The following HOMER1 variants were observed in gnomAD, a reference collection of about 807,000 sequenced individuals.
HOMER1 encodes the protein homer scaffold protein 1.
A neutral mutation model predicts 48.9 loss-of-function variants in HOMER1; 3 were observed. That is an observed-to-expected ratio of 0.06 (90% CI 0.03 to 0.16). The LOEUF is 0.16. HOMER1 is among the 10% of genes least tolerant of loss of function. HOMER1 has a pLI of 1.00. For synonymous variants in HOMER1, 134 were observed against 146.4 expected (o/e 0.92, Z 0.61); for missense variants, 247 against 411.4 (o/e 0.60, Z 3.46).
intron 6 of HOMER1, among the ~76,000 whole-genome samples, chr5:79,401,383 A>C (rs1378919184): frequency 6.6e-6 from 1 of 152,194 alleles, no homozygotes; most frequent in African/African-American, 2.4e-5. Context: ...TGGAAGAAGG[A>C]AATAACTTAT....
intron 1 of HOMER1, among the ~76,000 whole-genome samples, chr5:79,470,471 A>C (rs567260912): frequency 6.6e-6 from 1 of 152,326 alleles, no homozygotes; most frequent in South Asian, 2.1e-4. Context: ...AAATTCTGTG[A>C]AGCAGATACA....
At chr5:79,424,703 C>A (rs967272828) in intron 5 of HOMER1, among the ~76,000 whole-genome samples, 2 of 151,920 alleles carry the variant, frequency 1.3e-5, no homozygotes, top group Non-Finnish European at 2.9e-5. Context: ...AGAAAACTGG[C>A]TATATTTTTA....
chr5:79,408,254 C>T (rs1227178738), intron 5 of HOMER1, among the ~76,000 whole-genome samples: 2 of 152,078 alleles, frequency 1.3e-5, no homozygotes, highest in African/African-American at 4.8e-5. Context: ...AGTGGAGTGA[C>T]AGTGTTGAAA....
At chr5:79,411,978 G>A (rs1749824947) in intron 5 of HOMER1, among the ~76,000 whole-genome samples, 5 of 152,184 alleles carry the variant, frequency 3.3e-5, no homozygotes, top group Admixed American at 3.3e-4. Context: ...AATTAGCCGG[G>A]TGTGGTGGCA....
intron 1 of HOMER1, among the ~76,000 whole-genome samples, chr5:79,468,410 T>A (rs963232780): frequency 6.6e-6 from 1 of 152,206 alleles, no homozygotes; most frequent in African/African-American, 2.4e-5. Flanking sequence ...TAGTATTTTT[T>A]TAAAAAATGT....
chr5:79,451,530 T>C (rs1751026913), intron 2 of HOMER1, among the ~76,000 whole-genome samples: 1 of 144,694 alleles, frequency 6.9e-6, no homozygotes, highest in Non-Finnish European at 1.5e-5. Flanking sequence ...CTTTCAAAAA[T>C]GAAAATATGC....
At chr5:79,404,991 G>A (rs903708359) in intron 5 of HOMER1, among the ~76,000 whole-genome samples, 2 of 152,030 alleles carry the variant, frequency 1.3e-5, no homozygotes, top group African/African-American at 4.8e-5. Context: ...TTACAGGCAT[G>A]AGCCATCGTG....
chr5:79,510,527 C>T lies in HOMER1; in HGVS notation c.5+2243G>A, dbSNP rs1752911772. ...ACCCGAAGCACAAAGATACGAATCT[C>T]TTAAGGGGGTGGACCCCAAGTTCCT... On this transcript the variant is annotated intron_variant, in intron 1 of 8. Coordinates refer to ENST00000334082, the MANE Select transcript of HOMER1 (RefSeq NM_004272.5). The T allele has an allele frequency of 4.1e-6, 3 of 737,328 alleles. No homozygotes were observed. In the East Asian group the frequency reaches 7.7e-5, roughly 19 times the overall value. 45.7% of individuals were successfully genotyped at this position (737,328 alleles called of 1,614,324 possible).
intron 1 of HOMER1, among the ~76,000 whole-genome samples, chr5:79,499,981 T>C (rs910639691): frequency 2.6e-5 from 4 of 152,146 alleles, no homozygotes; most frequent in African/African-American, 9.7e-5. Flanking sequence ...ATGCTGGAAG[T>C]GCTCCCAAGA....
chr5:79,471,608 T>C (rs1265782349), intron 1 of HOMER1, among the ~76,000 whole-genome samples: 2 of 150,798 alleles, frequency 1.3e-5, no homozygotes, highest in Admixed American at 1.3e-4. Flanking sequence ...CTTGTGCCAG[T>C]GTTTCTCAAC....
At chr5:79,469,494 A>G (rs971530782) in intron 1 of HOMER1, among the ~76,000 whole-genome samples, 1 of 152,100 alleles carries the variant, frequency 6.6e-6, no homozygotes, top group Non-Finnish European at 1.5e-5. Flanking sequence ...TCTTTTCTAC[A>G]TGGTCCTCGA....
intron 8 of HOMER1, among the ~76,000 whole-genome samples, chr5:79,376,664 A>T (rs1219039912): frequency 6.6e-6 from 1 of 152,234 alleles, no homozygotes; most frequent in Non-Finnish European, 1.5e-5. Flanking sequence ...GTAACTCTCT[A>T]AAATGTGATT....
chr5:79,503,452 C>A (rs1752660116), intron 1 of HOMER1, among the ~76,000 whole-genome samples: 1 of 149,754 alleles, frequency 6.7e-6, no homozygotes, highest in Admixed American at 6.7e-5. Flanking sequence ...ATCACTTGAA[C>A]CCAGGAGGCG....
At chr5:79,406,594 C>T (rs1488123350) in intron 5 of HOMER1, among the ~76,000 whole-genome samples, 1 of 152,296 alleles carries the variant, frequency 6.6e-6, no homozygotes, top group East Asian at 1.9e-4. Context: ...CAAAGTCTAG[C>T]CAAGACCCTT....
intron 1 of HOMER1, among the ~76,000 whole-genome samples, chr5:79,502,951 C>T (rs1330668458): frequency 2.0e-5 from 3 of 151,298 alleles, no homozygotes; most frequent in Admixed American, 6.6e-5. Context: ...CCACCACGCC[C>T]GGCTAATTTT....
intron 6 of HOMER1, among the ~76,000 whole-genome samples, chr5:79,398,968 T>G (rs1490605640): frequency 6.6e-6 from 1 of 152,206 alleles, no homozygotes; most frequent in Non-Finnish European, 1.5e-5. Flanking sequence ...TCTTCAAGGC[T>G]CTCCTCTGGT....
chr5:79,432,313 C>T (rs932692351), intron 5 of HOMER1, among the ~76,000 whole-genome samples: 7 of 152,294 alleles, frequency 4.6e-5, no homozygotes, highest in African/African-American at 1.4e-4. Context: ...TTAAAGCCCT[C>T]CACAAGAAAG....
intron 1 of HOMER1, 124 bp downstream of exon 1, chr5:79,512,646 A>G (rs1561394270): frequency 4.5e-6 from 4 of 883,592 alleles, no homozygotes; most frequent in Non-Finnish European, 7.2e-6. Context: ...CTATTTCTTT[A>G]AAGTATGACC....
chr5:79,508,627 T>C (rs760046516), intron 1 of HOMER1, among the ~76,000 whole-genome samples: 2 of 152,212 alleles, frequency 1.3e-5, no homozygotes, highest in Non-Finnish European at 2.9e-5. Flanking sequence ...TCTCTCTGCC[T>C]TGAATGCCCT....
Sources: gnomAD v4.1 joint callset for allele counts (sites outside exome capture counted in the v4.1 genomes callset) on GRCh38, gnomAD v4.1.1 for gene constraint, MANE v1.5 for transcripts, NCBI Gene and HGNC (gene_info 2026-07-23, HGNC 2026-07-21) for gene names.